The following PCDHGA5 variants were observed in gnomAD, a reference collection of about 807,000 sequenced individuals.
PCDHGA5 encodes protocadherin gamma-A5.
Under a neutral mutation model 56.7 loss-of-function variants are expected in PCDHGA5, and 36 were observed. That is an observed-to-expected ratio of 0.64 (90% CI 0.49 to 0.84). The LOEUF is 0.84. Among genes scored for constraint, PCDHGA5 ranks in the 40% least tolerant of loss-of-function variants. PCDHGA5 has a pLI of 0.00. For synonymous variants in PCDHGA5, 563 were observed against 520.2 expected (o/e 1.08, Z -1.12); for missense variants, 1,305 against 1,201.5 (o/e 1.09, Z -1.27).
At chr5:141,410,762 T>C in intron 1 of PCDHGA5, 1 of 1,171,656 alleles carries the variant, frequency 8.5e-7, no homozygotes, top group Non-Finnish European at 1.2e-6. Flanking sequence ...GTTTTTTCAA[T>C]TATAGTTTTC....
chr5:141,467,990 A>G (rs1593103654), intron 1 of PCDHGA5, among the ~76,000 whole-genome samples: 2 of 152,052 alleles, frequency 1.3e-5, no homozygotes, highest in South Asian at 2.1e-4. Context: ...GAAAACCACA[A>G]TTCTTTCTTC....
Position 141,477,029 on chromosome 5 carries a change from A to T in PCDHGA5, c.2422-17778A>T, listed in dbSNP as rs754045855. ...CTTAGACCTTGTAACCGGGATGCTG[A>T]CAATCAAGGGTCGGCTGGACTTCGA... On this transcript the variant is annotated intron_variant, in intron 1 of 3. Transcript: ENST00000518069. This position sits in a 1 kb window ranked among gnomAD's most constrained non-coding sequence, Gnocchi z 4.9. 2 of 1,614,238 alleles carry T rather than the reference A, an allele frequency of 1.2e-6. No homozygotes were observed. The highest frequency in any genetic ancestry group is 3.3e-5 in the Admixed American group (2 of 60,028).
chr5:141,444,152 A>AT (rs747671382), intron 1 of PCDHGA5, among the ~76,000 whole-genome samples: 1,130 of 33,890 alleles, frequency 0.033, 460 homozygotes, highest in Non-Finnish European at 0.038. Flanking sequence ...TGTGTACTGG[A>AT]TTTTTTTTTT....
rs1001516677 is a variant in PCDHGA5 at position 141,399,747 on chromosome 5, A to G, written c.2421+32996A>G. On this transcript the variant is annotated intron_variant, in intron 1 of 3. Coordinates refer to ENST00000518069, the MANE Select transcript of PCDHGA5 (RefSeq NM_018918.3). The stretch of plus-strand genomic sequence containing the variant: ...ACCAGGGCTCGCCTGCGCTCAGCGC[A>G]AACGTGAGCCTGCGCGTGTTGGTGG... 3.7e-6 allele frequency: 6 copies of G among 1,613,228 alleles called. No homozygotes were observed. In the African/African-American group the frequency reaches 6.7e-5, roughly 18 times the overall value.
At chr5:141,389,140 C>T in intron 1 of PCDHGA5, 3 of 1,613,996 alleles carry the variant, frequency 1.9e-6, no homozygotes, top group Non-Finnish European at 2.5e-6. Context: ...TACAATATAA[C>T]CGTTACGGCA....
chr5:141,365,523 T>C lies in PCDHGA5; in HGVS notation c.1193T>C (p.Val398Ala), dbSNP rs1445858385. 1 of 1,613,750 alleles carries C rather than the reference T, an allele frequency of 6.2e-7. No homozygotes were observed. The highest frequency in any genetic ancestry group is 1.7e-5 in the Admixed American group (1 of 60,002). ...TTGCCTTTTAAATTGGAGAAGTCAG[T>C]TGATAATTACTATCACCTATTAACA... is the stretch of plus-strand genomic sequence containing the variant. ...RNLPFKLEKSVDNYYHLLTTR... is the reference protein window; with the variant it reads ...RNLPFKLEKSADNYYHLLTTR... The change falls in exon 1 of 4, where the codon GTT becomes GCT. Residue 398 changes from valine to alanine, a missense_variant. Physicochemically the swap from Val to Ala is moderately conservative, Grantham distance 64. Coordinates refer to ENST00000518069, the MANE Select transcript of PCDHGA5 (RefSeq NM_018918.3).
At chr5:141,382,787 T>A in intron 1 of PCDHGA5, 1 of 906,454 alleles carries the variant, frequency 1.1e-6, no homozygotes, top group Non-Finnish European at 1.7e-6. Context: ...CTCAAGCCTC[T>A]ATCCTGCTGG....
At chr5:141,422,611 A>C in intron 1 of PCDHGA5, 3 of 1,613,762 alleles carry the variant, frequency 1.9e-6, no homozygotes, top group Non-Finnish European at 2.5e-6. Flanking sequence ...CTCTGCCTAC[A>C]TTCCCGAAAA....
At chr5:141,374,134 C>T in intron 1 of PCDHGA5, 4 of 1,605,352 alleles carry the variant, frequency 2.5e-6, no homozygotes, top group Non-Finnish European at 3.4e-6. Context: ...TCCTGCTCCT[C>T]ACGCTCCTGG....
rs35821115 is a variant in PCDHGA5, at chr5:141,460,961, ATGTG to A, written c.2422-33826_2422-33823del. 3.6e-3 allele frequency among the ~76,000 whole-genome samples: 519 copies of A among 144,600 alleles called. 3 individuals carry two copies. The highest frequency in any genetic ancestry group is 4.3e-3 in the African/African-American group (168 of 38,712). The allele number at this position is 144,600 out of a possible 152,430, so 94.9% of individuals were successfully genotyped here. A position where few individuals can be genotyped will look rare whatever the true frequency, so the allele number is the denominator to read the frequency against. ...ATATATATGTATTATGTATATATAT[ATGTG>A]TGTGTGTGTGTGTGTGTGTATATAT... On this transcript the variant is annotated intron_variant, in intron 1 of 3. Transcript: ENST00000518069.
In PCDHGA5 at chr5:141,431,375, G is replaced by T. The variant is rs139873616; in HGVS notation, c.2422-63432G>T. ...ACGCGCCCTGGACCGCGAAGAAAAGGCTGCTCACCACCTGGTCCTTACGGC... is the reference window on the plus strand; with the variant it reads ...ACGCGCCCTGGACCGCGAAGAAAAGTCTGCTCACCACCTGGTCCTTACGGC... On this transcript the variant is annotated intron_variant, in intron 1 of 3. Coordinates refer to ENST00000518069, the MANE Select transcript of PCDHGA5 (RefSeq NM_018918.3). This position sits in a 1 kb window ranked among gnomAD's most constrained non-coding sequence, Gnocchi z 4.8. 21 of 1,613,422 alleles carry T rather than the reference G, an allele frequency of 1.3e-5. No homozygotes were observed. The African/African-American group carries it at 2.8e-4, about 21-fold the overall frequency.
chr5:141,456,324 G>T (rs757059960), intron 1 of PCDHGA5, among the ~76,000 whole-genome samples: 15 of 152,166 alleles, frequency 9.9e-5, no homozygotes, highest in Non-Finnish European at 2.9e-5. Context: ...TCCTCCTGGG[G>T]TTGATCTAAG....
intron 1 of PCDHGA5, chr5:141,421,959 A>G (rs2096614103): frequency 1.9e-6 from 3 of 1,612,798 alleles, no homozygotes; most frequent in East Asian, 2.2e-5. Flanking sequence ...CAATGTTTAC[A>G]CAGTCCGTAT....
chr5:141,505,294 G>A, intron 2 of PCDHGA5, 99 bp from the exon 3 acceptor site: 1 of 1,572,086 alleles, frequency 6.4e-7, no homozygotes, highest in Non-Finnish European at 8.6e-7. Flanking sequence ...GCATGGGGTA[G>A]GGTTAGGGTA....
At position 141,415,074 on chromosome 5, in the gene PCDHGA5, G is replaced by C; in HGVS notation, c.2421+48323G>C. 3 of 1,613,448 alleles carry C rather than the reference G, an allele frequency of 1.9e-6. No homozygotes were observed. In the South Asian group the frequency reaches 3.3e-5, roughly 18 times the overall value. On this transcript the variant is annotated intron_variant, in intron 1 of 3. Coordinates refer to ENST00000518069, the MANE Select transcript of PCDHGA5 (RefSeq NM_018918.3). ...AGCACACGGGCGAGGTGCGCACGGCGCGAGCCCTGCTGGACAGAGACGCGC... is the reference window on the plus strand; with the variant it reads ...AGCACACGGGCGAGGTGCGCACGGCCCGAGCCCTGCTGGACAGAGACGCGC...
rs535002528 is a variant in PCDHGA5 at position 141,396,788 on chromosome 5, T to C, written c.2421+30037T>C. On this transcript the variant is annotated intron_variant, in intron 1 of 3. Transcript: ENST00000518069. ...GTTTGTTATTAATGAAAAGGACATT[T>C]CCTAAGGATTGTGTAGTGTTCTACT... Among the ~76,000 whole-genome samples, 53 of 152,322 alleles carry C rather than the reference T, an allele frequency of 3.5e-4. 2 individuals are homozygous for C. Among genetic ancestry groups the C allele is most frequent in the Admixed American group, 3.3e-3 (50 of 15,300 alleles).
intron 1 of PCDHGA5, chr5:141,403,197 G>T: frequency 6.2e-7 from 1 of 1,613,986 alleles, no homozygotes; most frequent in Non-Finnish European, 8.5e-7. Flanking sequence ...CCGCGCAGCG[G>T]CACCTTGGTC....
At chr5:141,462,781 G>C (rs893647456) in intron 1 of PCDHGA5, among the ~76,000 whole-genome samples, 1 of 152,102 alleles carries the variant, frequency 6.6e-6, no homozygotes, top group Non-Finnish European at 1.5e-5. Flanking sequence ...GTCATAATTT[G>C]TTGCTTATTT....
At chr5:141,383,843 A>T in intron 1 of PCDHGA5, 1 of 1,613,970 alleles carries the variant, frequency 6.2e-7, no homozygotes, top group Non-Finnish European at 8.5e-7. Context: ...ACTGCCTTCT[A>T]TGAAATGGAG....
Sources: allele counts gnomAD v4.1 joint callset (sites outside exome capture counted in the v4.1 genomes callset), GRCh38; gene constraint gnomAD v4.1.1; non-coding constraint Gnocchi (gnomAD v3.1); transcripts MANE v1.5; gene names NCBI Gene and HGNC (gene_info 2026-07-23, HGNC 2026-07-21).